Variants in CASC3 observed in about 807,000 individuals in gnomAD.
CASC3 encodes the protein protein CASC3.
CASC3 carries 30 observed loss-of-function variants against 80.5 expected under a neutral mutation model. The observed-to-expected ratio is 0.37, with a 90% CI of 0.28 to 0.51. The LOEUF (loss-of-function observed/expected upper bound fraction) is 0.51. Among genes scored for constraint, CASC3 ranks in the 20% least tolerant of loss-of-function variants. CASC3 has a pLI of 0.94. For missense variants in CASC3, 824 were observed against 922.2 expected, an observed-to-expected ratio of 0.89 and a Z score of 1.38; for synonymous variants, 312 against 333.6, an observed-to-expected ratio of 0.94 and a Z score of 0.70.
chr17:40,161,544 T>G (rs1416061519), intron 3 of CASC3, among the ~76,000 whole-genome samples: 1 of 152,004 alleles, frequency 6.6e-6, no homozygotes, highest in Non-Finnish European at 1.5e-5. Context: ...CCAGGCGCGG[T>G]AGTGGGCGCC....
At chr17:40,156,423 A>G (rs1456667664) in intron 3 of CASC3, among the ~76,000 whole-genome samples, 1 of 152,232 alleles carries the variant, frequency 6.6e-6, no homozygotes, top group African/African-American at 2.4e-5. Context: ...GCGGTGGCTC[A>G]TGCCTATAAT....
chr17:40,153,158 G>T (rs1011014755), intron 3 of CASC3, among the ~76,000 whole-genome samples: 1 of 152,022 alleles, frequency 6.6e-6, no homozygotes, highest in Non-Finnish European at 1.5e-5. Context: ...CTTTTACCAC[G>T]ATCTCATTTT....
chr17:40,169,269 T>C, intron 11 of CASC3, 55 bp from the exon 12 acceptor site: 1 of 1,450,918 alleles, frequency 6.9e-7, no homozygotes, highest in Admixed American at 2.7e-5. Context: ...CTGTTCATCA[T>C]AGGTTGGATG....
chr17:40,149,965 T>C (rs1224065083), intron 3 of CASC3, among the ~76,000 whole-genome samples: 2 of 152,108 alleles, frequency 1.3e-5, no homozygotes, highest in African/African-American at 4.8e-5. Context: ...GTACTGGTAT[T>C]CTTGACTAAG....
chr17:40,157,860 A>G (rs966816118), intron 3 of CASC3, among the ~76,000 whole-genome samples: 2 of 152,220 alleles, frequency 1.3e-5, no homozygotes, highest in African/African-American at 4.8e-5. Flanking sequence ...TACTCTTACA[A>G]TGAAGCTAGA....
At position 40,169,742 on chromosome 17, in the gene CASC3, C is replaced by CTTTTTTTTTTTTTT. The variant is rs56186811; in HGVS notation, c.*41+98_*41+111dup. 9.8e-5 allele frequency: 9 copies of CTTTTTTTTTTTTTT among 91,830 alleles called. 2 individuals are homozygous for CTTTTTTTTTTTTTT. The highest frequency in any genetic ancestry group is 6.8e-4 in the African/African-American group (8 of 11,712). 5.7% of individuals were successfully genotyped at this position (91,830 alleles called of 1,614,324 possible). ...ATAAACAAAAATCACTTAATTAATG[C>CTTTTTTTTTTTTTT]TTTTTTTTTTTTTTTTTTTTTTTTT... On this transcript the variant is annotated intron_variant, in intron 13 of 13. Transcript: ENST00000264645.
In CASC3 at chr17:40,141,248, T is replaced by A; in HGVS notation, c.259+14T>A. On this transcript the variant is annotated intron_variant, in intron 2 of 13. Transcript: ENST00000264645. ...TTGAAGGTGATGGTGAGTAGCATCT[T>A]TTACCCCATTAGGACAAGAGTTTTT... The A allele has an allele frequency of 6.2e-7, 1 of 1,611,852 alleles. No individual in the cohort carries two copies. The highest frequency in any genetic ancestry group is 8.5e-7 in the Non-Finnish European group (1 of 1,178,030).
At chr17:40,142,369 G>T (rs1988740326) in intron 3 of CASC3, among the ~76,000 whole-genome samples, 1 of 152,234 alleles carries the variant, frequency 6.6e-6, no homozygotes, top group Non-Finnish European at 1.5e-5. Flanking sequence ...ACTGGGATAG[G>T]GCTAAGTAGG....
chr17:40,167,696 C>G (rs537934172), intron 9 of CASC3, 84 bp downstream of exon 9: 1 of 1,264,372 alleles, frequency 7.9e-7, no homozygotes. Flanking sequence ...CTGAATTTCT[C>G]TTCTGACCTC....
At chr17:40,144,714 T>G (rs578077724) in intron 3 of CASC3, among the ~76,000 whole-genome samples, 3 of 145,584 alleles carry the variant, frequency 2.1e-5, no homozygotes, top group Middle Eastern at 3.5e-3. Context: ...TGTTGCCCAG[T>G]CACCCAGGCT....
chr17:40,150,407 AGTGT>A (rs942164271), intron 3 of CASC3, among the ~76,000 whole-genome samples: 34 of 97,826 alleles, frequency 3.5e-4, no homozygotes, highest in African/African-American at 1.4e-3. Context: ...AAAAAGTAAG[AGTGT>A]GTGCGTGTGT....
chr17:40,171,217 G>A lies in CASC3; in HGVS notation c.*812G>A. 5.1e-6 allele frequency: 5 copies of A among 985,876 alleles called. No homozygotes were observed. The highest frequency in any genetic ancestry group is 6.0e-6 in the Non-Finnish European group (5 of 829,942). The allele number at this position is 985,876 out of a possible 1,614,324, so 61.1% of individuals were successfully genotyped here. On this transcript the variant is annotated 3_prime_UTR_variant, in exon 14 of 14. Transcript: ENST00000264645. Reference sequence around the variant, plus strand: ...TGATGGGCTTCTGTTCTCTGCTGAGGGCCAATACCCTACTGTGGGGAGAGA... The same window carrying A: ...TGATGGGCTTCTGTTCTCTGCTGAGAGCCAATACCCTACTGTGGGGAGAGA...
intron 9 of CASC3, 51 bp from the exon 10 acceptor site, chr17:40,167,799 G>A: frequency 6.6e-7 from 1 of 1,503,922 alleles, no homozygotes; most frequent in Non-Finnish European, 9.3e-7. Flanking sequence ...AAGGAGACTT[G>A]TCCATGTGAA....
At chr17:40,166,646 CAGAA>C (rs1369012363) in intron 7 of CASC3, 147 bp from the exon 8 acceptor site, 3 of 514,274 alleles carry the variant, frequency 5.8e-6, no homozygotes, top group Non-Finnish European at 1.0e-5. Flanking sequence ...CTGGTGTTGA[CAGAA>C]AGCAGAGATA....
intron 3 of CASC3, among the ~76,000 whole-genome samples, chr17:40,152,567 C>T (rs1302652898): frequency 1.3e-5 from 2 of 151,982 alleles, no homozygotes; most frequent in East Asian, 1.9e-4. Flanking sequence ...GTGATCCACC[C>T]ACTCAGCCTC....
chr17:40,158,957 T>C (rs981264517), intron 3 of CASC3, among the ~76,000 whole-genome samples: 1 of 152,068 alleles, frequency 6.6e-6, no homozygotes, highest in African/African-American at 2.4e-5. Flanking sequence ...CACATCTGGT[T>C]GGGCGCAGTG....
chr17:40,165,115 C>T (rs1306531274), intron 7 of CASC3, among the ~76,000 whole-genome samples: 2 of 150,814 alleles, frequency 1.3e-5, no homozygotes, highest in Non-Finnish European at 3.0e-5. Context: ...TTAGTAGAGA[C>T]GGTTTCACCG....
In CASC3 at chr17:40,164,015, C is replaced by T; in HGVS notation, c.1320C>T (p.Thr440=). 6.2e-7 allele frequency: 1 copy of T among 1,614,060 alleles called. No individual in the cohort carries two copies. Among genetic ancestry groups the T allele is most frequent in the Non-Finnish European group, 8.5e-7 (1 of 1,180,024 alleles). Reference sequence around the variant, plus strand: ...TTCCAGCACCTCCAGTCCCAGAAACCACCCCAACTCCACCTACTAAGACTG... The same window carrying T: ...TTCCAGCACCTCCAGTCCCAGAAACTACCCCAACTCCACCTACTAAGACTG... ...GLIPAPPVPE[T]TPTPPTKTGT... Residue 440 remains threonine (T), a synonymous_variant, in exon 7 of 14, where the codon ACC becomes ACT. Transcript: ENST00000264645.
intron 3 of CASC3, among the ~76,000 whole-genome samples, chr17:40,159,553 T>A (rs1170444375): frequency 7.2e-6 from 1 of 138,124 alleles, no homozygotes; most frequent in Non-Finnish European, 1.5e-5. Flanking sequence ...TGTTTTTTTT[T>A]TTTTTTTTTT....
Sources: gnomAD v4.1 joint callset for allele counts (sites outside exome capture counted in the v4.1 genomes callset) on GRCh38, gnomAD v4.1.1 for gene constraint, MANE v1.5 for transcripts, NCBI Gene and HGNC (gene_info 2026-07-23, HGNC 2026-07-21) for gene names.